CBLB: variants seen among roughly 807,000 people sequenced by gnomAD.
The protein encoded by CBLB is Cbl proto-oncogene B.
CBLB carries 31 observed loss-of-function variants against 104.9 expected under a neutral mutation model. That is an observed-to-expected ratio of 0.30 (90% confidence interval 0.22 to 0.40). The LOEUF (loss-of-function observed/expected upper bound fraction) is 0.40, where lower values mean the gene tolerates loss of function less well. Ranked by LOEUF, CBLB falls within the 10% of genes least tolerant of loss-of-function variation. CBLB has a pLI of 1.00. For synonymous variants in CBLB, 440 were observed against 422.6 expected (o/e 1.04, Z -0.51); for missense variants, 1,062 against 1,214.6 (o/e 0.87, Z 1.87).
chr3:105,804,049 C>G (rs2083212357), intron 3 of CBLB, among the ~76,000 whole-genome samples: 1 of 152,152 alleles, frequency 6.6e-6, no homozygotes, highest in African/African-American at 2.4e-5. Context: ...AACTGCCTAG[C>G]TTCAACATTT....
chr3:105,781,293 A>G (rs2080226148), intron 3 of CBLB, among the ~76,000 whole-genome samples: 1 of 152,200 alleles, frequency 6.6e-6, no homozygotes, highest in African/African-American at 2.4e-5. Context: ...TTTGAACTAG[A>G]GTGAATTAGC....
intron 17 of CBLB, among the ~76,000 whole-genome samples, chr3:105,676,692 A>G (rs963379430): frequency 5.9e-5 from 9 of 152,334 alleles, no homozygotes; most frequent in Middle Eastern, 3.4e-3. Flanking sequence ...AACTATATGA[A>G]TAAAAGCCCA....
At chr3:105,786,350 C>G (rs1017168721) in intron 3 of CBLB, among the ~76,000 whole-genome samples, 2 of 152,072 alleles carry the variant, frequency 1.3e-5, no homozygotes, top group Non-Finnish European at 2.9e-5. Context: ...TTGATGTTCT[C>G]TGATAAACCT....
chr3:105,769,156 A>G (rs1023721502), intron 4 of CBLB, among the ~76,000 whole-genome samples: 3 of 147,360 alleles, frequency 2.0e-5, no homozygotes, highest in Non-Finnish European at 4.5e-5. Context: ...TCTACTAAAC[A>G]TACAAAAAAA....
chr3:105,745,773 A>C (rs2076044884), intron 6 of CBLB, 144 bp downstream of exon 6: 1 of 706,158 alleles, frequency 1.4e-6, no homozygotes, highest in Admixed American at 2.1e-5. Flanking sequence ...CATTATGTTA[A>C]GAAGCACCAT....
chr3:105,776,584 C>T, intron 3 of CBLB, 42 bp from the exon 4 acceptor site: 1 of 1,581,344 alleles, frequency 6.3e-7, no homozygotes, highest in Non-Finnish European at 8.7e-7. Context: ...GAAATAAACA[C>T]CTAGATGCAT....
intron 4 of CBLB, among the ~76,000 whole-genome samples, chr3:105,757,746 G>A (rs184043524): frequency 1.3e-5 from 2 of 152,282 alleles, no homozygotes; most frequent in Admixed American, 1.3e-4. Flanking sequence ...TTTGTTTATT[G>A]TTGGTTTGTT....
At chr3:105,715,542 C>T (rs1040459646) in intron 10 of CBLB, among the ~76,000 whole-genome samples, 21 of 152,028 alleles carry the variant, frequency 1.4e-4, no homozygotes, top group African/African-American at 4.1e-4. Flanking sequence ...TTCCATGCTA[C>T]GATGGCAGCA....
intron 10 of CBLB, among the ~76,000 whole-genome samples, chr3:105,707,609 A>G (rs2070365717): frequency 6.6e-6 from 1 of 152,164 alleles, no homozygotes; most frequent in Non-Finnish European, 1.5e-5. Flanking sequence ...TTCAAACACT[A>G]TGAAGATTTG....
At position 105,740,540 on chromosome 3, in the gene CBLB, T is replaced by A; in HGVS notation, c.937A>T (p.Asn313Tyr). ...DGNILQTIPH[N>Y]KPLFQALIDG... ...ATCAGGGCTTGAAATAAGGGCTTGT[T>A]ATGAGGTATGGTCTGTAAGATATTC... Residue 313 changes from asparagine to tyrosine, a missense_variant, in exon 7 of 19, where the codon AAC becomes TAC. By Grantham distance (143) the Asn-to-Tyr change is moderately radical. This residue lies in a region of CBLB where 457 missense variants were observed against 632.0 expected (regional missense o/e 0.72). Coordinates refer to ENST00000394030, the MANE Select transcript of CBLB (RefSeq NM_170662.5). 6.2e-7 allele frequency: 1 copy of A among 1,614,122 alleles called. No individual in the cohort carries two copies. Among genetic ancestry groups the A allele is most frequent in the South Asian group, 1.1e-5 (1 of 91,080 alleles).
At chr3:105,831,851 T>G (rs1249873646) in intron 3 of CBLB, among the ~76,000 whole-genome samples, 1 of 151,824 alleles carries the variant, frequency 6.6e-6, no homozygotes, top group Admixed American at 6.6e-5. Context: ...CAAGTGAGGC[T>G]GAAGTTTAAA....
intron 9 of CBLB, among the ~76,000 whole-genome samples, chr3:105,721,644 A>C (rs1350682406): frequency 1.3e-5 from 2 of 152,186 alleles, no homozygotes. Context: ...AGAATCCTTC[A>C]AGGTTTACCA....
intron 3 of CBLB, among the ~76,000 whole-genome samples, chr3:105,777,598 G>T (rs1466216623): frequency 6.6e-6 from 1 of 152,214 alleles, no homozygotes; most frequent in Non-Finnish European, 1.5e-5. Flanking sequence ...TTCAGCATGG[G>T]TAACAGGGTG....
At chr3:105,835,552 G>A (rs2088348501) in intron 3 of CBLB, among the ~76,000 whole-genome samples, 2 of 152,246 alleles carry the variant, frequency 1.3e-5, no homozygotes, top group South Asian at 4.1e-4. Flanking sequence ...AAGTCACACT[G>A]AAACCCAGTA....
chr3:105,669,395 T>A, intron 18 of CBLB, among the ~76,000 whole-genome samples: 1 of 152,144 alleles, frequency 6.6e-6, no homozygotes, highest in East Asian at 1.9e-4. Flanking sequence ...AAGAGGGCCC[T>A]CACTAGACAC....
At chr3:105,663,935 G>T (rs1483234772) in intron 18 of CBLB, among the ~76,000 whole-genome samples, 1 of 147,414 alleles carries the variant, frequency 6.8e-6, no homozygotes. Flanking sequence ...CAAAAGGCCC[G>T]TAGGCAGACC....
intron 9 of CBLB, among the ~76,000 whole-genome samples, chr3:105,721,204 T>G (rs547335755): frequency 6.6e-6 from 1 of 152,264 alleles, no homozygotes; most frequent in African/African-American, 2.4e-5. Context: ...TGGGATGAAA[T>G]AGCACCATTT....
intron 9 of CBLB, among the ~76,000 whole-genome samples, chr3:105,725,555 C>G (rs1197147482): frequency 6.6e-6 from 1 of 152,140 alleles, no homozygotes; most frequent in Non-Finnish European, 1.5e-5. Flanking sequence ...TCCATCAGTT[C>G]CTTTCCTTTT....
intron 3 of CBLB, among the ~76,000 whole-genome samples, chr3:105,833,318 A>G (rs2087865466): frequency 6.6e-6 from 1 of 152,236 alleles, no homozygotes; most frequent in Non-Finnish European, 1.5e-5. Flanking sequence ...CTCATTCTGC[A>G]TGATTCTGAA....
Sources: allele counts gnomAD v4.1 joint callset (sites outside exome capture counted in the v4.1 genomes callset), GRCh38; gene constraint gnomAD v4.1.1; regional missense constraint gnomAD v4.1.1; transcripts MANE v1.5; gene names NCBI Gene and HGNC (gene_info 2026-07-23, HGNC 2026-07-21).